Variants in MTHFD2L observed in about 807,000 individuals in gnomAD.
The protein encoded by MTHFD2L is bifunctional methylenetetrahydrofolate dehydrogenase/cyclohydrolase 2, mitochondrial.
In MTHFD2L, 29 loss-of-function variants were observed where a neutral mutation model predicts 34.9. The observed-to-expected ratio is 0.83, with a 90% CI of 0.62 to 1.13. The LOEUF (loss-of-function observed/expected upper bound fraction) is 1.13. Among genes scored for constraint, MTHFD2L ranks in the 50% most tolerant of loss-of-function variants. MTHFD2L has a pLI of 0.00. For missense variants in MTHFD2L, 481 were observed against 446.5 expected (o/e 1.08, Z -0.70); for synonymous variants, 167 against 155.7 (o/e 1.07, Z -0.54).
chr4:74,148,346 A>C (rs1348939411), intron 1 of MTHFD2L, among the ~76,000 whole-genome samples: 1 of 139,166 alleles, frequency 7.2e-6, no homozygotes, highest in Non-Finnish European at 1.5e-5. Context: ...TTTCCCACAC[A>C]TTTTATTTAT....
intron 5 of MTHFD2L, among the ~76,000 whole-genome samples, 170 bp from the exon 6 acceptor site, chr4:74,225,132 A>G (rs1175470003): frequency 6.6e-6 from 1 of 152,078 alleles, no homozygotes; most frequent in East Asian, 1.9e-4. Flanking sequence ...AGGGTACAAT[A>G]TTTTGGTTCC....
At chr4:74,245,721 C>T (rs928967002) in intron 6 of MTHFD2L, among the ~76,000 whole-genome samples, 5 of 151,930 alleles carry the variant, frequency 3.3e-5, no homozygotes, top group African/African-American at 9.7e-5. Flanking sequence ...AGTGAGAACA[C>T]GTGGTGTTTG....
chr4:74,136,482 CA>C (rs1228761041), intron 1 of MTHFD2L, among the ~76,000 whole-genome samples: 1 of 151,818 alleles, frequency 6.6e-6, no homozygotes, highest in Non-Finnish European at 1.5e-5. Flanking sequence ...AAGAAAGCAC[CA>C]AAAAATTGGA....
intron 6 of MTHFD2L, among the ~76,000 whole-genome samples, chr4:74,270,130 G>A (rs2110244104): frequency 6.6e-6 from 1 of 151,462 alleles, no homozygotes. Flanking sequence ...TTAGCTAGTG[G>A]TTTTCTTTTT....
chr4:74,199,824 G>A lies in MTHFD2L; in HGVS notation c.482G>A (p.Gly161Glu), dbSNP rs144442266. 1.6e-3 allele frequency: 2,528 copies of A among 1,612,252 alleles called. No homozygotes were observed. Among genetic ancestry groups the A allele is most frequent in the Non-Finnish European group, 1.9e-3 (2,250 of 1,178,918 alleles). The change falls in exon 4 of 8, where the codon GGA becomes GAA. Residue 161 changes from glycine to glutamate, a missense_variant. Physicochemically the swap from Gly to Glu is moderately conservative, Grantham distance 98 (BLOSUM62 -2). Coordinates refer to ENST00000325278, the MANE Select transcript of MTHFD2L (RefSeq NM_001144978.3). ...DHVDERTICN[G>E]IAPEKDVDGF... Reference sequence around the variant, plus strand: ...GTTGATGAGCGAACAATATGCAATGGAATTGCCCCAGAAAAAGATGTAGAT... The same window carrying A: ...GTTGATGAGCGAACAATATGCAATGAAATTGCCCCAGAAAAAGATGTAGAT...
intron 7 of MTHFD2L, among the ~76,000 whole-genome samples, chr4:74,291,054 G>T (rs1748890265): frequency 1.6e-5 from 1 of 63,266 alleles, no homozygotes; most frequent in African/African-American, 4.8e-5. Context: ...GTCTTGCTCT[G>T]TTGCCCAGGC....
At position 74,174,701 on chromosome 4, in the gene MTHFD2L, G is replaced by A. The variant is rs1728694331; in HGVS notation, c.328+11G>A. On this transcript the variant is annotated intron_variant, in intron 2 of 7. Transcript: ENST00000325278. ...CTGCCTCTGCTGTAGGTGGGTGTGT[G>A]TTTTAGTTGTAATTACTACTAAATA... 1.4e-6 allele frequency: 2 copies of A among 1,436,014 alleles called. No homozygotes were observed. The highest frequency in any genetic ancestry group is 1.8e-6 in the Non-Finnish European group (2 of 1,087,910). 89.0% of individuals were successfully genotyped at this position (1,436,014 alleles called of 1,614,324 possible).
chr4:74,272,775 C>A (rs1746160366), intron 6 of MTHFD2L, among the ~76,000 whole-genome samples: 1 of 152,126 alleles, frequency 6.6e-6, no homozygotes, highest in African/African-American at 2.4e-5. Context: ...TCTTTTATTT[C>A]TGGCTTAAGG....
chr4:74,142,027 C>T (rs1723299658), intron 1 of MTHFD2L, among the ~76,000 whole-genome samples: 2 of 152,220 alleles, frequency 1.3e-5, no homozygotes, highest in South Asian at 4.1e-4. Context: ...CATTAGAATT[C>T]AGGTATGTCT....
intron 1 of MTHFD2L, among the ~76,000 whole-genome samples, chr4:74,174,132 T>C (rs1450504292): frequency 6.6e-6 from 1 of 152,132 alleles, no homozygotes; most frequent in Non-Finnish European, 1.5e-5. Context: ...GGGAGATCTC[T>C]GGAATTTCTT....
upstream of MTHFD2L, chr4:74,157,943 G>T: frequency 1.1e-6 from 1 of 871,680 alleles, no homozygotes; most frequent in Non-Finnish European, 1.8e-6. Context: ...GCCCCCTGCG[G>T]ACCCGGCACT....
intron 5 of MTHFD2L, among the ~76,000 whole-genome samples, chr4:74,222,694 A>AC (rs1419798592): frequency 6.6e-6 from 1 of 152,042 alleles, no homozygotes; most frequent in African/African-American, 2.4e-5. Flanking sequence ...CCTCAGACAT[A>AC]CTTTGATTAA....
chr4:74,137,011 A>T (rs1722981170), intron 1 of MTHFD2L, among the ~76,000 whole-genome samples: 1 of 152,180 alleles, frequency 6.6e-6, no homozygotes, highest in Non-Finnish European at 1.5e-5. Flanking sequence ...AAAACCATGA[A>T]CTACTAGAAT....
At chr4:74,287,534 G>A (rs151127493) in intron 7 of MTHFD2L, among the ~76,000 whole-genome samples, 32 of 152,100 alleles carry the variant, frequency 2.1e-4, no homozygotes, top group Middle Eastern at 3.4e-3. Flanking sequence ...ATCACTTGAG[G>A]TCAGGAGTTC....
upstream of MTHFD2L, among the ~76,000 whole-genome samples, chr4:74,119,378 C>G (rs908264431): frequency 2.0e-5 from 3 of 152,176 alleles, no homozygotes; most frequent in East Asian, 5.8e-4. Flanking sequence ...TAACCCTAGC[C>G]AAAATGAATA....
intron 3 of MTHFD2L, among the ~76,000 whole-genome samples, chr4:74,198,232 C>A (rs1314254945): frequency 2.6e-5 from 4 of 152,124 alleles, no homozygotes; most frequent in Non-Finnish European, 5.9e-5. Flanking sequence ...AGTATTTCAG[C>A]TGGTGTGTGA....
intron 7 of MTHFD2L, among the ~76,000 whole-genome samples, chr4:74,300,159 G>A (rs1355561044): frequency 6.6e-6 from 1 of 151,988 alleles, no homozygotes; most frequent in African/African-American, 2.4e-5. Context: ...TAGAGACGCT[G>A]TTTGGAAAAC....
rs111314293 is a variant in MTHFD2L, at chr4:74,163,944, T to C, written c.143+5663T>C. ...AGGCTGGAGTGCAATAGCACGATCTTGGCTCACTGCAAACTCTGCCTCCCG... is the reference window on the plus strand; with the variant it reads ...AGGCTGGAGTGCAATAGCACGATCTCGGCTCACTGCAAACTCTGCCTCCCG... On this transcript the variant is annotated intron_variant, in intron 1 of 7. Transcript: ENST00000325278. 3.0e-3 allele frequency among the ~76,000 whole-genome samples: 460 copies of C among 152,326 alleles called. 3 individuals are homozygous for C. Among genetic ancestry groups the C allele is most frequent in the African/African-American group, 0.01 (436 of 41,582 alleles).
chr4:74,201,461 T>A, intron 5 of MTHFD2L, 91 bp downstream of exon 5: 2 of 913,510 alleles, frequency 2.2e-6, no homozygotes, highest in Non-Finnish European at 3.3e-6. Flanking sequence ...CAGCTTATTA[T>A]ATTTGTGGGT....
Sources: allele counts gnomAD v4.1 joint callset (sites outside exome capture counted in the v4.1 genomes callset), GRCh38; gene constraint gnomAD v4.1.1; transcripts MANE v1.5; gene names NCBI Gene and HGNC (gene_info 2026-07-23, HGNC 2026-07-21).